The following STK39 variants were observed in gnomAD, a reference collection of about 807,000 sequenced individuals.
STK39 encodes the protein STE20/SPS1-related proline-alanine-rich protein kinase.
A neutral mutation model predicts 77.8 loss-of-function variants in STK39; 20 were observed. The observed-to-expected ratio is 0.26, with a 90% CI of 0.18 to 0.37. The LOEUF is 0.37. Among genes scored for constraint, STK39 ranks in the 10% least tolerant of loss-of-function variants. The pLI is 1.00. For synonymous variants in STK39, 246 were observed against 234.1 expected (o/e 1.05, Z -0.47); for missense variants, 479 against 656.5 (o/e 0.73, Z 2.95).
chr2:168,052,215 T>G (rs1685417120), intron 14 of STK39, among the ~76,000 whole-genome samples: 1 of 152,148 alleles, frequency 6.6e-6, no homozygotes, highest in Admixed American at 6.5e-5. Context: ...CTTCTTTTAT[T>G]CTCTGACAGA....
intron 2 of STK39, among the ~76,000 whole-genome samples, chr2:168,171,802 T>G (rs1433801099): frequency 1.3e-5 from 2 of 151,884 alleles, no homozygotes; most frequent in Non-Finnish European, 2.9e-5. Flanking sequence ...CTAAATATAA[T>G]AAGAGATTTT....
rs765973701 is a variant in STK39, at chr2:168,140,309, G to A, written c.820C>T (p.His274Tyr). 3.7e-6 allele frequency: 6 copies of A among 1,613,906 alleles called. No homozygotes were observed. Among genetic ancestry groups the A allele is most frequent in the Non-Finnish European group, 5.1e-6 (6 of 1,179,814 alleles). Residue 274 changes from histidine (H) to tyrosine (Y), a missense_variant, in exon 7 of 18, where the codon CAC becomes TAC. Physicochemically the swap from His to Tyr is moderately conservative, Grantham distance 83. Transcript: ENST00000355999. ...IELATGAAPY[H>Y]KYPPMKVLML... is the part of the protein sequence containing the mutation. ...ATTACTTTCATGGGAGGATATTTGT[G>A]ATAAGGCGCTGCTCCTGTTGCTAAT...
intron 16 of STK39, among the ~76,000 whole-genome samples, chr2:167,990,469 C>A (rs188260369): frequency 1.3e-5 from 2 of 152,040 alleles, no homozygotes; most frequent in East Asian, 1.9e-4. Flanking sequence ...AGGCTTATAA[C>A]GAGAAATGGT....
intron 16 of STK39, among the ~76,000 whole-genome samples, chr2:167,995,314 G>C (rs569613602): frequency 2.4e-4 from 37 of 151,952 alleles, no homozygotes; most frequent in East Asian, 3.9e-4. Flanking sequence ...TTCACCATGT[G>C]GGCTAGGATG....
intron 14 of STK39, among the ~76,000 whole-genome samples, chr2:168,020,512 A>G (rs1035674429): frequency 6.6e-6 from 1 of 152,008 alleles, no homozygotes; most frequent in Non-Finnish European, 1.5e-5. Flanking sequence ...GGGCTCCCTG[A>G]AAGGGTCTCA....
At chr2:168,093,732 T>TC (rs1686588379) in intron 10 of STK39, among the ~76,000 whole-genome samples, 2 of 152,224 alleles carry the variant, frequency 1.3e-5, no homozygotes, top group South Asian at 2.1e-4. Context: ...GTCTTATCCC[T>TC]CTAAACCACA....
intron 16 of STK39, among the ~76,000 whole-genome samples, chr2:167,993,512 G>A (rs1239992689): frequency 1.3e-5 from 2 of 152,114 alleles, no homozygotes; most frequent in Non-Finnish European, 2.9e-5. Context: ...TGTTTCACTG[G>A]CAGCCTTCTA....
intron 14 of STK39, among the ~76,000 whole-genome samples, chr2:168,061,482 C>T (rs947581755): frequency 3.3e-5 from 5 of 152,170 alleles, no homozygotes; most frequent in South Asian, 4.2e-4. Flanking sequence ...AGTGTATGTG[C>T]GTGTGTGTGC....
intron 1 of STK39, among the ~76,000 whole-genome samples, chr2:168,238,476 T>C (rs528224411): frequency 6.6e-6 from 1 of 152,242 alleles, no homozygotes; most frequent in African/African-American, 2.4e-5. Context: ...TCAGGGATAA[T>C]ATGAATGTAG....
In STK39 at chr2:168,078,604, C is replaced by T. The variant is rs192009827; in HGVS notation, c.1090-3373G>A. Among the ~76,000 whole-genome samples the T allele has an allele frequency of 1.7e-3, 265 of 152,262 alleles. 4 individuals carry two copies. The highest frequency in any genetic ancestry group is 6.0e-3 in the African/African-American group (249 of 41,542). ...GAAGAACCACCAGGTAAAATTTCTA[C>T]GATAGCATCCTAAATGTGTCAGAAA... On this transcript the variant is annotated intron_variant, in intron 10 of 17. Transcript: ENST00000355999.
intron 1 of STK39, among the ~76,000 whole-genome samples, chr2:168,189,957 G>A (rs1001780398): frequency 8.5e-5 from 13 of 152,204 alleles, no homozygotes; most frequent in African/African-American, 3.1e-4. Flanking sequence ...ATAGGGAGAA[G>A]AGAGGACAAC....
chr2:168,079,515 G>A (rs1460592031), intron 10 of STK39, among the ~76,000 whole-genome samples: 1 of 152,202 alleles, frequency 6.6e-6, no homozygotes, highest in African/African-American at 2.4e-5. Context: ...GATGCCTGGT[G>A]CCACTACAGA....
chr2:168,174,795 G>A (rs1053147600), intron 2 of STK39, among the ~76,000 whole-genome samples: 7 of 147,878 alleles, frequency 4.7e-5, no homozygotes, highest in African/African-American at 1.5e-4. Flanking sequence ...CCAGGAGTTC[G>A]AGGGCAGCCT....
At position 168,038,267 on chromosome 2, in the gene STK39, G is replaced by A. The variant is rs11883921; in HGVS notation, c.1377-21172C>T. On this transcript the variant is annotated intron_variant, in intron 14 of 17. Coordinates refer to ENST00000355999, the MANE Select transcript of STK39 (RefSeq NM_013233.3). ...ATTTTTTGCATCCCCCCAAGCCCAC[G>A]AAAAAGTGTTTCTTTTATTATGACA... is the stretch of plus-strand genomic sequence containing the variant. Among the ~76,000 whole-genome samples the A allele has an allele frequency of 2.3e-3, 345 of 151,752 alleles. 4 individuals are homozygous for A. Among genetic ancestry groups the A allele is most frequent in the African/African-American group, 8.0e-3 (331 of 41,486 alleles).
At chr2:168,005,646 C>A (rs1396934847) in intron 16 of STK39, among the ~76,000 whole-genome samples, 1 of 152,100 alleles carries the variant, frequency 6.6e-6, no homozygotes, top group African/African-American at 2.4e-5. Context: ...ATGCCTTCAG[C>A]CTCCACACAA....
intron 14 of STK39, among the ~76,000 whole-genome samples, chr2:168,031,317 C>T (rs1684828159): frequency 6.6e-6 from 1 of 152,160 alleles, no homozygotes; most frequent in Admixed American, 6.6e-5. Context: ...TCTGAAGATT[C>T]CCTCAAGTAA....
intron 5 of STK39, among the ~76,000 whole-genome samples, chr2:168,158,685 C>T (rs1170540257): frequency 6.6e-6 from 1 of 152,198 alleles, no homozygotes; most frequent in Admixed American, 6.5e-5. Context: ...TACGTGTGAC[C>T]TGGGCAACTG....
chr2:168,161,697 T>C (rs2105584956), intron 5 of STK39, 90 bp downstream of exon 5: 2 of 884,802 alleles, frequency 2.3e-6, no homozygotes, highest in South Asian at 3.4e-5. Flanking sequence ...ATTACATGCA[T>C]TTATTCATTT....
At position 168,115,840 on chromosome 2, in the gene STK39, T is replaced by C. The variant is rs112017089; in HGVS notation, c.1089+13701A>G. ...ACAAGGGCTATGGGCAAGTGGACAA[T>C]AGAGAACTGAGGGTGGAGAATGCAA... On this transcript the variant is annotated intron_variant, in intron 10 of 17. Transcript: ENST00000355999. Among the ~76,000 whole-genome samples, 441 of 152,150 alleles carry C rather than the reference T, an allele frequency of 2.9e-3. 1 individual carries two copies. Among genetic ancestry groups the C allele is most frequent in the African/African-American group, 9.8e-3 (407 of 41,506 alleles).
Sources: allele counts gnomAD v4.1 joint callset (sites outside exome capture counted in the v4.1 genomes callset), GRCh38; gene constraint gnomAD v4.1.1; transcripts MANE v1.5; gene names NCBI Gene and HGNC (gene_info 2026-07-23, HGNC 2026-07-21).